Variants in ATP8A1 observed in about 807,000 individuals in gnomAD.
ATP8A1 encodes the protein ATPase phospholipid transporting 8A1, also known as phospholipid-transporting ATPase IA.
A neutral mutation model predicts 177.7 loss-of-function variants in ATP8A1; 90 were observed. The observed-to-expected ratio is 0.51, with a 90% CI of 0.43 to 0.60. ATP8A1 has a LOEUF of 0.60. ATP8A1 is among the 20% of genes least tolerant of loss of function. The pLI, the probability that ATP8A1 is intolerant of heterozygous loss-of-function variation, is 0.00. For missense variants in ATP8A1, 1,072 were observed against 1,392.8 expected (o/e 0.77, Z 3.67); for synonymous variants, 493 against 485.9 (o/e 1.01, Z -0.19).
chr4:42,571,748 A>G (rs779231841), intron 14 of ATP8A1, among the ~76,000 whole-genome samples: 2 of 152,212 alleles, frequency 1.3e-5, no homozygotes, highest in Non-Finnish European at 2.9e-5. Context: ...GATCTAATGA[A>G]ATAATCTAAT....
At chr4:42,482,145 T>C (rs1249627073) in intron 25 of ATP8A1, among the ~76,000 whole-genome samples, 1 of 151,248 alleles carries the variant, frequency 6.6e-6, no homozygotes, top group African/African-American at 2.4e-5. Context: ...CTACTAAAAA[T>C]ACAAAAAATT....
At chr4:42,554,063 T>C (rs1278069245) in intron 16 of ATP8A1, among the ~76,000 whole-genome samples, 2 of 152,094 alleles carry the variant, frequency 1.3e-5, no homozygotes, top group African/African-American at 4.8e-5. Flanking sequence ...TCATGTTACT[T>C]TATGAGTGAA....
intron 5 of ATP8A1, among the ~76,000 whole-genome samples, chr4:42,607,427 C>A (rs1735902510): frequency 6.6e-6 from 1 of 152,140 alleles, no homozygotes; most frequent in Non-Finnish European, 1.5e-5. Flanking sequence ...TCTTAAACAC[C>A]CAGTCCTTAG....
intron 19 of ATP8A1, among the ~76,000 whole-genome samples, chr4:42,546,466 G>T (rs1313956996): frequency 6.8e-6 from 1 of 147,936 alleles, no homozygotes; most frequent in Non-Finnish European, 1.5e-5. Context: ...AGCATTAGGA[G>T]ATATACCCAA....
At chr4:42,610,493 G>C in intron 5 of ATP8A1, among the ~76,000 whole-genome samples, 1 of 151,170 alleles carries the variant, frequency 6.6e-6, no homozygotes, top group East Asian at 1.9e-4. Flanking sequence ...ATAAAGCACA[G>C]AGCAAAGTCA....
chr4:42,410,273 C>T lies in ATP8A1; in HGVS notation c.*2643G>A, dbSNP rs1337538929. The T allele has an allele frequency of 6.6e-6, 1 of 152,104 alleles. No homozygotes were observed. Among genetic ancestry groups the T allele is most frequent in the East Asian group, 1.9e-4 (1 of 5,196 alleles). 9.4% of individuals were successfully genotyped at this position (152,104 alleles called of 1,614,324 possible). On this transcript the variant is annotated 3_prime_UTR_variant, in exon 37 of 37. Transcript: ENST00000381668. The stretch of plus-strand genomic sequence containing the variant: ...AGAAGCAACTTCCAGCTTTTCAATG[C>T]TAAATGAATGAGGATTTTCTATTAT...
At chr4:42,522,794 A>C (rs1456910345) in intron 21 of ATP8A1, among the ~76,000 whole-genome samples, 1 of 152,108 alleles carries the variant, frequency 6.6e-6, no homozygotes, top group Non-Finnish European at 1.5e-5. Context: ...AGCTCTGAAA[A>C]TCAGCTCTTT....
rs1560397719 is a variant in ATP8A1, at chr4:42,503,486, GTTC to G, written c.2112_2114del (p.Lys704del). 1.2e-6 allele frequency: 2 copies of G among 1,607,958 alleles called. No individual in the cohort carries two copies. The highest frequency in any genetic ancestry group is 8.5e-7 in the Non-Finnish European group (1 of 1,176,230). ...CTTCATTTATAACAATCATTCCCAT[GTTC>G]TTCTTCAACAGTTTGCAGGAGTGTC... On this transcript the variant is annotated inframe_deletion, in exon 24 of 37. Transcript: ENST00000381668.
chr4:42,579,084 A>G (rs1359004404), intron 11 of ATP8A1, among the ~76,000 whole-genome samples: 1 of 151,972 alleles, frequency 6.6e-6, no homozygotes, highest in Non-Finnish European at 1.5e-5. Flanking sequence ...ACACTTTTGG[A>G]AGTTAAGTCT....
intron 22 of ATP8A1, among the ~76,000 whole-genome samples, chr4:42,521,592 G>A (rs1052435728): frequency 2.0e-5 from 3 of 152,160 alleles, no homozygotes; most frequent in Admixed American, 1.3e-4. Flanking sequence ...ATTTACAGCT[G>A]TGACAGAAAT....
chr4:42,648,144 CA>C (rs1259213780), intron 1 of ATP8A1, among the ~76,000 whole-genome samples: 1 of 152,064 alleles, frequency 6.6e-6, no homozygotes, highest in Non-Finnish European at 1.5e-5. Context: ...ATAAACAATG[CA>C]ATTCCAATAA....
At chr4:42,624,495 T>C (rs772618227) in intron 4 of ATP8A1, 41 bp downstream of exon 4, 2 of 1,119,924 alleles carry the variant, frequency 1.8e-6, no homozygotes, top group Admixed American at 2.7e-5. Context: ...CATATATAAA[T>C]AACAAAGTCA....
At chr4:42,655,741 A>ATT in intron 1 of ATP8A1, among the ~76,000 whole-genome samples, 1 of 152,176 alleles carries the variant, frequency 6.6e-6, no homozygotes, top group Admixed American at 6.5e-5. Context: ...CAGGGACCCT[A>ATT]TTTTTACAGG....
chr4:42,631,705 C>T (rs931978681), intron 1 of ATP8A1, among the ~76,000 whole-genome samples: 1 of 152,200 alleles, frequency 6.6e-6, no homozygotes, highest in Non-Finnish European at 1.5e-5. Flanking sequence ...CCTTCCTTGA[C>T]CATCTCCATA....
At chr4:42,472,695 A>G (rs959814891) in intron 25 of ATP8A1, among the ~76,000 whole-genome samples, 1 of 149,242 alleles carries the variant, frequency 6.7e-6, no homozygotes, top group Non-Finnish European at 1.5e-5. Flanking sequence ...AGTTGCAGTG[A>G]GCTGAGATCG....
rs533040589 is a variant in ATP8A1, at chr4:42,453,678, T to C, written c.2817+1619A>G. 9.8e-5 allele frequency among the ~76,000 whole-genome samples: 15 copies of C among 152,350 alleles called. No individual in the cohort carries two copies. The East Asian group carries it at 2.9e-3, about 29-fold the overall frequency. ...GGGTAATTCTGTGAGGATCAATTTA[T>C]GTTTTTAAGCAAGAATGGCATGGCC... On this transcript the variant is annotated intron_variant, in intron 29 of 36. Transcript: ENST00000381668.
intron 24 of ATP8A1, among the ~76,000 whole-genome samples, chr4:42,500,065 T>A (rs773127537): frequency 1.9e-4 from 29 of 152,214 alleles, no homozygotes; most frequent in Non-Finnish European, 1.5e-4. Context: ...CCTTTGCAGA[T>A]GCTTAAAGAA....
At chr4:42,579,544 G>A (rs1732806466) in intron 11 of ATP8A1, among the ~76,000 whole-genome samples, 1 of 151,312 alleles carries the variant, frequency 6.6e-6, no homozygotes, top group Non-Finnish European at 1.5e-5. Flanking sequence ...AATAGTTTTC[G>A]TTGATATATA....
At chr4:42,517,380 A>G (rs951086241) in intron 22 of ATP8A1, among the ~76,000 whole-genome samples, 1 of 152,122 alleles carries the variant, frequency 6.6e-6, no homozygotes, top group Non-Finnish European at 1.5e-5. Flanking sequence ...GAGTCCTAAT[A>G]TGTTGACTAC....
Sources: gnomAD v4.1 joint callset for allele counts (sites outside exome capture counted in the v4.1 genomes callset) on GRCh38, gnomAD v4.1.1 for gene constraint, MANE v1.5 for transcripts, NCBI Gene and HGNC (gene_info 2026-07-23, HGNC 2026-07-21) for gene names.